The following CSMD1 variants were observed in gnomAD, a reference collection of about 807,000 sequenced individuals.
CSMD1 encodes CUB and sushi domain-containing protein 1.
CSMD1 carries 213 observed loss-of-function variants against 417.5 expected under a neutral mutation model. The observed-to-expected ratio is 0.51, with a 90% CI of 0.46 to 0.57. The LOEUF (loss-of-function observed/expected upper bound fraction) is 0.57, where lower values mean the gene tolerates loss of function less well. Among genes scored for constraint, CSMD1 ranks in the 20% least tolerant of loss-of-function variants. The pLI is 0.00. For missense variants in CSMD1, 6,923 were observed against 4,529.7 expected (o/e 1.53, Z -15.17); for synonymous variants, 2,862 against 1,736.8 (o/e 1.65, Z -16.11).
intron 1 of CSMD1, among the ~76,000 whole-genome samples, chr8:4,796,965 G>A (rs1300477052): frequency 6.6e-6 from 1 of 152,172 alleles, no homozygotes; most frequent in Admixed American, 6.5e-5. Context: ...TGATTGCCTG[G>A]TCATCAGGCC....
At chr8:3,711,374 G>A (rs1438852156) in intron 6 of CSMD1, among the ~76,000 whole-genome samples, 1 of 152,172 alleles carries the variant, frequency 6.6e-6, no homozygotes, top group Non-Finnish European at 1.5e-5. Context: ...CCAGAGGGTG[G>A]CTGTTCATCT....
intron 7 of CSMD1, among the ~76,000 whole-genome samples, chr8:3,679,461 G>C (rs1055057997): frequency 6.6e-6 from 1 of 152,086 alleles, no homozygotes; most frequent in African/African-American, 2.4e-5. Context: ...ATGGTAAAGG[G>C]ATCAATTCAA....
At chr8:4,269,499 G>A (rs1804436259) in intron 3 of CSMD1, among the ~76,000 whole-genome samples, 1 of 152,076 alleles carries the variant, frequency 6.6e-6, no homozygotes, top group Non-Finnish European at 1.5e-5. Flanking sequence ...TTTGAATATG[G>A]GAAGCATGTT....
chr8:2,998,421 G>T (rs1354153464), intron 53 of CSMD1, among the ~76,000 whole-genome samples: 1 of 152,064 alleles, frequency 6.6e-6, no homozygotes, highest in Non-Finnish European at 1.5e-5. Flanking sequence ...TGCCAAACAC[G>T]CTTTCTTTAC....
chr8:3,833,347 T>C (rs1585062782), intron 5 of CSMD1, among the ~76,000 whole-genome samples: 1 of 152,136 alleles, frequency 6.6e-6, no homozygotes, highest in East Asian at 1.9e-4. Flanking sequence ...TCTGGGCCAT[T>C]TTATATACAA....
intron 2 of CSMD1, among the ~76,000 whole-genome samples, chr8:4,426,836 A>G (rs762961211): frequency 6.6e-6 from 1 of 151,038 alleles, no homozygotes; most frequent in Non-Finnish European, 1.5e-5. Context: ...ATAGTATACT[A>G]TATTATGTAC....
chr8:3,208,868 G>A (rs949497650), intron 30 of CSMD1, among the ~76,000 whole-genome samples: 1 of 152,078 alleles, frequency 6.6e-6, no homozygotes, highest in African/African-American at 2.4e-5. Flanking sequence ...TTCAGTTTTG[G>A]GACTCGGAAT....
chr8:3,665,785 C>T (rs1798660541), intron 7 of CSMD1, among the ~76,000 whole-genome samples: 1 of 152,170 alleles, frequency 6.6e-6, no homozygotes, highest in African/African-American at 2.4e-5. Flanking sequence ...GAAGCTGAGG[C>T]TATTTCTTAG....
chr8:4,375,232 C>G (rs986501849), intron 3 of CSMD1, among the ~76,000 whole-genome samples: 1 of 152,016 alleles, frequency 6.6e-6, no homozygotes, highest in Non-Finnish European at 1.5e-5. Context: ...TTTGGATGGT[C>G]TTAGAATACA....
intron 3 of CSMD1, among the ~76,000 whole-genome samples, chr8:4,248,303 A>G (rs2128828642): frequency 6.6e-6 from 1 of 152,242 alleles, no homozygotes; most frequent in African/African-American, 2.4e-5. Flanking sequence ...ATCTGAATTT[A>G]TATACTAATC....
chr8:3,436,194 T>C (rs1489995938), intron 12 of CSMD1, among the ~76,000 whole-genome samples: 1 of 152,156 alleles, frequency 6.6e-6, no homozygotes, highest in Non-Finnish European at 1.5e-5. Context: ...GATACCATCA[T>C]TATAAGATGC....
chr8:3,459,151 G>A (rs894460987), intron 12 of CSMD1, among the ~76,000 whole-genome samples: 5 of 152,378 alleles, frequency 3.3e-5, no homozygotes, highest in Admixed American at 6.5e-5. Flanking sequence ...TGGCTCTTGA[G>A]AGGACACGTG....
chr8:3,663,429 G>C (rs1427944025), intron 7 of CSMD1, among the ~76,000 whole-genome samples: 2 of 152,098 alleles, frequency 1.3e-5, no homozygotes, highest in Non-Finnish European at 2.9e-5. Context: ...AAGGACTCAA[G>C]AGAACTGAGA....
At chr8:4,331,555 T>A (rs565415357) in intron 3 of CSMD1, among the ~76,000 whole-genome samples, 102 of 152,260 alleles carry the variant, frequency 6.7e-4, no homozygotes, top group Middle Eastern at 3.4e-3. Context: ...CAGTATGAAT[T>A]AAATCCACAG....
intron 7 of CSMD1, among the ~76,000 whole-genome samples, chr8:3,623,954 G>A (rs1221535210): frequency 2.6e-5 from 4 of 151,770 alleles, no homozygotes; most frequent in South Asian, 2.1e-4. Context: ...TCCAGCCTGG[G>A]TGACAGAACA....
intron 3 of CSMD1, among the ~76,000 whole-genome samples, chr8:4,090,180 C>T (rs1225040942): frequency 6.6e-6 from 1 of 152,138 alleles, no homozygotes; most frequent in Non-Finnish European, 1.5e-5. Context: ...AGTGTAACCT[C>T]CACTTTTGAC....
At chr8:4,315,899 C>T (rs979403772) in intron 3 of CSMD1, among the ~76,000 whole-genome samples, 3 of 152,088 alleles carry the variant, frequency 2.0e-5, no homozygotes, top group Non-Finnish European at 4.4e-5. Context: ...TTTTATAAAG[C>T]TAAAGATGCA....
intron 5 of CSMD1, among the ~76,000 whole-genome samples, chr8:3,926,012 T>TACAC (rs1491560385): frequency 4.6e-5 from 4 of 86,230 alleles, no homozygotes; most frequent in African/African-American, 1.9e-4. Flanking sequence ...TCTATTTGTC[T>TACAC]ATACACACAC....
chr8:4,357,691 TAACA>T (rs1801508059), intron 3 of CSMD1, among the ~76,000 whole-genome samples: 2 of 152,202 alleles, frequency 1.3e-5, no homozygotes, highest in African/African-American at 2.4e-5. Context: ...TTCAAAAACT[TAACA>T]AATAATCAGA....
Sources: gnomAD v4.1 joint callset for allele counts (sites outside exome capture counted in the v4.1 genomes callset) on GRCh38, gnomAD v4.1.1 for gene constraint, MANE v1.5 for transcripts, NCBI Gene and HGNC (gene_info 2026-07-23, HGNC 2026-07-21) for gene names.